TFAP2D: variants seen among roughly 807,000 people sequenced by gnomAD.
TFAP2D encodes the protein transcription factor AP-2-delta.
Under a neutral mutation model 43.6 loss-of-function variants are expected in TFAP2D, and 9 were observed. That is an observed-to-expected ratio of 0.21 (90% CI 0.12 to 0.36). TFAP2D has a LOEUF of 0.36. Ranked by LOEUF, TFAP2D falls within the 10% of genes least tolerant of loss-of-function variation. The pLI is 1.00. For synonymous variants in TFAP2D, 256 were observed against 224.9 expected, an observed-to-expected ratio of 1.14 and a Z score of -1.24; for missense variants, 513 against 561.4, an observed-to-expected ratio of 0.91 and a Z score of 0.87.
intron 3 of TFAP2D, among the ~76,000 whole-genome samples, chr6:50,721,943 G>A (rs551905832): frequency 6.6e-6 from 1 of 152,164 alleles, no homozygotes; most frequent in African/African-American, 2.4e-5. Flanking sequence ...AGTTAATCAG[G>A]GACATTGTCC....
chr6:50,727,519 C>A (rs1768826065), intron 3 of TFAP2D, among the ~76,000 whole-genome samples: 1 of 152,184 alleles, frequency 6.6e-6, no homozygotes, highest in Non-Finnish European at 1.5e-5. Context: ...TCATCTGAGG[C>A]TCTCATTAAA....
At chr6:50,730,531 G>T (rs1437826745) in intron 5 of TFAP2D, among the ~76,000 whole-genome samples, 1 of 152,060 alleles carries the variant, frequency 6.6e-6, no homozygotes, top group Non-Finnish European at 1.5e-5. Flanking sequence ...ATGACTAATG[G>T]ATTGATTCCA....
chr6:50,757,067 G>A (rs770847999), intron 7 of TFAP2D, among the ~76,000 whole-genome samples: 19 of 151,748 alleles, frequency 1.3e-4, no homozygotes, highest in Admixed American at 3.3e-4. Context: ...AAGACACCCT[G>A]TCCAAAAGAT....
At chr6:50,761,712 A>G (rs1769366699) in intron 7 of TFAP2D, among the ~76,000 whole-genome samples, 1 of 152,124 alleles carries the variant, frequency 6.6e-6, no homozygotes, top group African/African-American at 2.4e-5. Context: ...TTGAAGGACA[A>G]TTAGAATAAT....
intron 5 of TFAP2D, among the ~76,000 whole-genome samples, chr6:50,735,362 G>A (rs1319471559): frequency 2.6e-5 from 4 of 152,004 alleles, no homozygotes; most frequent in African/African-American, 7.2e-5. Context: ...ATAGAAAAAG[G>A]GTTACCAATC....
At chr6:50,724,580 G>C (rs899986482) in intron 3 of TFAP2D, among the ~76,000 whole-genome samples, 13 of 152,224 alleles carry the variant, frequency 8.5e-5, no homozygotes, top group South Asian at 2.1e-4. Context: ...TTCTGAGACG[G>C]GGGAGGCGCG....
rs1186881381 is a variant in TFAP2D at position 50,715,429 on chromosome 6, A to G, written c.353A>G (p.Asn118Ser). The change falls in exon 2 of 8, where the codon AAT becomes AGT. Residue 118 changes from asparagine (N) to serine (S), a missense_variant. Asn to Ser is a conservative substitution (Grantham distance 46). Around this residue, in one of 3 missense-constraint regions of TFAP2D, gnomAD observed 311 missense variants for 316.2 expected, o/e 0.98. Coordinates refer to ENST00000008391, the MANE Select transcript of TFAP2D (RefSeq NM_172238.4). ...CCCACCGACTTTATTAACCTGCACAATGCGCGGGCGCTCAAGTCGTCCTGC... is the reference window on the plus strand; with the variant it reads ...CCCACCGACTTTATTAACCTGCACAGTGCGCGGGCGCTCAAGTCGTCCTGC... Reference protein sequence around the residue: ...GEPTDFINLHNARALKSSCLD... With the variant: ...GEPTDFINLHSARALKSSCLD... The G allele has an allele frequency of 5.6e-6, 9 of 1,614,044 alleles. No individual in the cohort carries two copies. The highest frequency in any genetic ancestry group is 1.7e-5 in the Admixed American group (1 of 60,018).
chr6:50,747,653 T>A (rs908388719), intron 6 of TFAP2D, among the ~76,000 whole-genome samples: 1 of 152,090 alleles, frequency 6.6e-6, no homozygotes, highest in Non-Finnish European at 1.5e-5. Flanking sequence ...CATCATTCTG[T>A]TGAAGTGTGC....
At chr6:50,757,077 T>G (rs1561940045) in intron 7 of TFAP2D, among the ~76,000 whole-genome samples, 1 of 151,750 alleles carries the variant, frequency 6.6e-6, no homozygotes, top group Non-Finnish European at 1.5e-5. Flanking sequence ...GTCCAAAAGA[T>G]GAGAAAACTT....
At chr6:50,759,274 T>G (rs1769331316) in intron 7 of TFAP2D, among the ~76,000 whole-genome samples, 2 of 151,980 alleles carry the variant, frequency 1.3e-5, no homozygotes, top group Admixed American at 1.3e-4. Context: ...GAATTAATTG[T>G]CAGGGGATCT....
intron 1 of TFAP2D, 59 bp downstream of exon 1, chr6:50,714,153 G>A (rs1181360791): frequency 2.0e-6 from 3 of 1,532,716 alleles, no homozygotes; most frequent in East Asian, 4.5e-5. Flanking sequence ...CGGCGGCGGC[G>A]GTGGCGGCGG....
chr6:50,731,332 T>C (rs755480192), intron 5 of TFAP2D, among the ~76,000 whole-genome samples: 27 of 152,116 alleles, frequency 1.8e-4, no homozygotes, highest in Non-Finnish European at 2.6e-4. Flanking sequence ...GAGAAATAAA[T>C]CTTTCACTAT....
intron 7 of TFAP2D, among the ~76,000 whole-genome samples, chr6:50,755,597 G>A (rs1272136734): frequency 6.6e-6 from 1 of 151,870 alleles, no homozygotes; most frequent in Non-Finnish European, 1.5e-5. Flanking sequence ...GTAACTATAA[G>A]CTTTTTTTCC....
intron 5 of TFAP2D, among the ~76,000 whole-genome samples, chr6:50,729,885 A>G (rs754081554): frequency 1.9e-4 from 29 of 152,154 alleles, no homozygotes; most frequent in Admixed American, 1.4e-3. Context: ...GGAAATGAAT[A>G]TATTCCCAGA....
rs562212553 is a variant in TFAP2D, at chr6:50,748,106, T to C, written c.1025+2858T>C. On this transcript the variant is annotated intron_variant, in intron 6 of 7. Coordinates refer to ENST00000008391, the MANE Select transcript of TFAP2D (RefSeq NM_172238.4). ...TGCATCCTATCTTCTTATTGGACTATGTGAAATAAAAATCAGAGACTCCAG... is the reference window on the plus strand; with the variant it reads ...TGCATCCTATCTTCTTATTGGACTACGTGAAATAAAAATCAGAGACTCCAG... Among the ~76,000 whole-genome samples the C allele has an allele frequency of 2.0e-5, 3 of 152,092 alleles. No individual in the cohort carries two copies. The South Asian group carries it at 6.2e-4, about 31-fold the overall frequency.
At chr6:50,758,826 T>A (rs2113890873) in intron 7 of TFAP2D, among the ~76,000 whole-genome samples, 1 of 152,146 alleles carries the variant, frequency 6.6e-6, no homozygotes, top group South Asian at 2.1e-4. Context: ...AAATCTGTAA[T>A]CTCAAAAGCA....
intron 2 of TFAP2D, among the ~76,000 whole-genome samples, chr6:50,716,008 A>T (rs1460895037): frequency 2.0e-5 from 3 of 152,060 alleles, no homozygotes; most frequent in Admixed American, 6.6e-5. Context: ...TCAGAGTAAG[A>T]TCCAATAAAT....
chr6:50,747,911 G>A (rs1044509386), intron 6 of TFAP2D, among the ~76,000 whole-genome samples: 4 of 152,024 alleles, frequency 2.6e-5, no homozygotes, highest in African/African-American at 9.7e-5. Flanking sequence ...GTGAGAACAT[G>A]TAATTTTATT....
In TFAP2D at chr6:50,772,641, C is replaced by T; in HGVS notation, c.1140-4C>T. On this transcript the variant is annotated splice_region_variant and splice_polypyrimidine_tract_variant and intron_variant, in intron 7 of 7. Transcript: ENST00000008391. ...TCTTTTTTCCTATCACTTCTCATTT[C>T]CAGTTTGATCACTCATGGCTTTGGG... 6.2e-7 allele frequency: 1 copy of T among 1,613,224 alleles called. No individual in the cohort carries two copies. The highest frequency in any genetic ancestry group is 8.5e-7 in the Non-Finnish European group (1 of 1,179,360).
Sources: allele counts gnomAD v4.1 joint callset (sites outside exome capture counted in the v4.1 genomes callset), GRCh38; gene constraint gnomAD v4.1.1; regional missense constraint gnomAD v4.1.1; transcripts MANE v1.5; gene names NCBI Gene and HGNC (gene_info 2026-07-23, HGNC 2026-07-21).